The following SPAG16 variants were observed in gnomAD, a reference collection of about 807,000 sequenced individuals.
SPAG16 encodes the protein sperm-associated antigen 16 protein.
Under a neutral mutation model 80.4 loss-of-function variants are expected in SPAG16, and 86 were observed. The ratio of observed to expected loss-of-function variants is 1.07; its 90% CI spans 0.90 to 1.28. The LOEUF (loss-of-function observed/expected upper bound fraction) is 1.28. SPAG16 is among the 50% of genes most tolerant of loss of function. The pLI is 0.00. For missense variants in SPAG16, 870 were observed against 765.3 expected (o/e 1.14, Z -1.61); for synonymous variants, 294 against 265.9 (o/e 1.11, Z -1.03).
At chr2:213,542,107 A>G (rs886386092) in intron 10 of SPAG16, among the ~76,000 whole-genome samples, 2 of 152,232 alleles carry the variant, frequency 1.3e-5, no homozygotes, top group African/African-American at 4.8e-5. Flanking sequence ...CTGTAATTAA[A>G]AAGAAACGTA....
intron 12 of SPAG16, among the ~76,000 whole-genome samples, chr2:214,006,144 AT>A (rs1292364059): frequency 6.6e-6 from 1 of 152,210 alleles, no homozygotes; most frequent in African/African-American, 2.4e-5. Context: ...CACTTAAAAA[AT>A]ATCTTGCTAC....
rs776689125 is a variant in SPAG16 at position 213,296,079 on chromosome 2, A to G, written c.152A>G (p.Glu51Gly). 2 of 1,609,996 alleles carry G rather than the reference A, an allele frequency of 1.2e-6. No homozygotes were observed. The highest frequency in any genetic ancestry group is 1.1e-5 in the South Asian group (1 of 90,724). Reference protein sequence around the residue: ...AYYLEQVTITEASEDDYEYEE... With the variant: ...AYYLEQVTITGASEDDYEYEE... ...AGATATTCAGAGGTCACCATAACTG[A>G]AGCATCTGAAGATGACTATGAATAT... Residue 51 changes from glutamate (E) to glycine (G), a missense_variant, in exon 2 of 16, where the codon GAA becomes GGA. Coordinates refer to ENST00000331683, the MANE Select transcript of SPAG16 (RefSeq NM_024532.5).
intron 10 of SPAG16, among the ~76,000 whole-genome samples, chr2:213,633,415 C>T (rs536429121): frequency 6.6e-4 from 101 of 152,088 alleles, no homozygotes; most frequent in African/African-American, 2.4e-3. Flanking sequence ...ATTTTTTGAA[C>T]GTTTTAAGAC....
chr2:213,860,473 C>CA (rs2075400307), intron 10 of SPAG16, among the ~76,000 whole-genome samples: 2 of 78,822 alleles, frequency 2.5e-5, no homozygotes, highest in Non-Finnish European at 2.9e-5. Flanking sequence ...ATATATCTAT[C>CA]TATATATATA....
chr2:213,730,950 C>T (rs1398056535), intron 10 of SPAG16, among the ~76,000 whole-genome samples: 2 of 152,130 alleles, frequency 1.3e-5, no homozygotes, highest in Non-Finnish European at 2.9e-5. Flanking sequence ...TGTGCCAAGA[C>T]TACTAATGAG....
intron 15 of SPAG16, among the ~76,000 whole-genome samples, chr2:214,154,558 T>C (rs2056129628): frequency 6.9e-6 from 1 of 145,136 alleles, no homozygotes; most frequent in African/African-American, 2.5e-5. Flanking sequence ...TGGTTCATAT[T>C]TGATTCATCA....
At chr2:213,431,493 A>G (rs1190770635) in intron 9 of SPAG16, among the ~76,000 whole-genome samples, 1 of 148,252 alleles carries the variant, frequency 6.7e-6, no homozygotes, top group African/African-American at 2.6e-5. Flanking sequence ...TAAATCAGAA[A>G]CTGTAAAAAA....
rs3076768 is a variant in SPAG16 at position 213,737,493 on chromosome 2, C to CTTTTT, written c.1071-124984_1071-124980dup. On this transcript the variant is annotated intron_variant, in intron 10 of 15. Coordinates refer to ENST00000331683, the MANE Select transcript of SPAG16 (RefSeq NM_024532.5). The stretch of plus-strand genomic sequence containing the variant: ...TCTCCTTACTTTTTCTTTTTCTTTT[C>CTTTTT]TTTTTTTTTTTTGAGACGGAGTCTC... 9.1e-3 allele frequency among the ~76,000 whole-genome samples: 1,291 copies of CTTTTT among 142,228 alleles called. 41 individuals are homozygous for CTTTTT. Among genetic ancestry groups the CTTTTT allele is most frequent in the African/African-American group, 0.032 (1,224 of 38,686 alleles). The allele number at this position is 142,228 out of a possible 152,430, so 93.3% of individuals were successfully genotyped here. A position where few individuals can be genotyped will look rare whatever the true frequency, so the allele number is the denominator to read the frequency against.
intron 12 of SPAG16, among the ~76,000 whole-genome samples, chr2:213,999,515 G>T (rs2046688223): frequency 6.6e-6 from 1 of 152,248 alleles, no homozygotes. Context: ...CTCTGCTAGG[G>T]CAGTGTGGAA....
intron 11 of SPAG16, among the ~76,000 whole-genome samples, chr2:213,890,853 C>T (rs1410713786): frequency 6.6e-6 from 1 of 151,864 alleles, no homozygotes; most frequent in Admixed American, 6.6e-5. Flanking sequence ...TAAAGTTTGG[C>T]ATTTGATGTA....
At chr2:214,287,217 T>C (rs1232232581) in intron 15 of SPAG16, among the ~76,000 whole-genome samples, 2 of 152,340 alleles carry the variant, frequency 1.3e-5, no homozygotes, top group East Asian at 3.9e-4. Flanking sequence ...CATTGAATGA[T>C]TGCTGAACTC....
Position 213,597,916 on chromosome 2 carries a change from T to G in SPAG16, c.1070+107826T>G, listed in dbSNP as rs182709036. Among the ~76,000 whole-genome samples the G allele has an allele frequency of 5.9e-5, 9 of 152,292 alleles. No individual in the cohort carries two copies. In the East Asian group the frequency reaches 1.7e-3, roughly 29 times the overall value. ...CCAGGCTTTCTCTGAGGCTCTCCCT[T>G]TTTCAATTTTGGAAAGATTAACTGA... On this transcript the variant is annotated intron_variant, in intron 10 of 15. Transcript: ENST00000331683.
chr2:213,350,752 A>T (rs2065280558), intron 7 of SPAG16, 107 bp downstream of exon 7: 2 of 664,390 alleles, frequency 3.0e-6, no homozygotes, highest in Non-Finnish European at 4.9e-6. Flanking sequence ...AAACATTTTC[A>T]ACCAACTTTC....
At chr2:213,966,172 ATCT>A (rs1218297576) in intron 12 of SPAG16, among the ~76,000 whole-genome samples, 4 of 152,160 alleles carry the variant, frequency 2.6e-5, no homozygotes, top group East Asian at 1.9e-4. Context: ...ATGGAGACAC[ATCT>A]TCTTGGTTGT....
chr2:213,293,201 C>G (rs2126062529), intron 1 of SPAG16, among the ~76,000 whole-genome samples: 1 of 152,262 alleles, frequency 6.6e-6, no homozygotes, highest in South Asian at 2.1e-4. Context: ...GAAGAAGTGC[C>G]TTCCGCCATG....
intron 1 of SPAG16, chr2:213,285,923 C>T: frequency 7.8e-7 from 1 of 1,288,696 alleles, no homozygotes; most frequent in South Asian, 1.2e-5. Context: ...TGAATGGTAA[C>T]CAGGCATCTT....
At chr2:213,620,291 T>TG in intron 10 of SPAG16, among the ~76,000 whole-genome samples, 1 of 126,460 alleles carries the variant, frequency 7.9e-6, no homozygotes, top group African/African-American at 3.1e-5. Context: ...GTTTTTTTTT[T>TG]TTTTTTTTTT....
At position 213,364,133 on chromosome 2, in the gene SPAG16, C is replaced by A; in HGVS notation, c.820C>A (p.Pro274Thr). The A allele has an allele frequency of 6.6e-7, 1 of 1,515,848 alleles. No individual in the cohort carries two copies. Among genetic ancestry groups the A allele is most frequent in the South Asian group, 1.4e-5 (1 of 73,214 alleles). The allele number at this position is 1,515,848 out of a possible 1,614,324, so 93.9% of individuals were successfully genotyped here. Residue 274 changes from proline to threonine, a missense_variant, in exon 8 of 16, where the codon CCT becomes ACT. Pro to Thr is a conservative substitution (Grantham distance 38). Transcript: ENST00000331683. ...GCAAAGAGGACATAGTTACCATGGTCCTCAAATTAAAGGTAAATGTAAAAT... is the reference window on the plus strand; with the variant it reads ...GCAAAGAGGACATAGTTACCATGGTACTCAAATTAAAGGTAAATGTAAAAT... ...KLQRGHSYHG[P>T]QIKVDHSREK...
intron 10 of SPAG16, among the ~76,000 whole-genome samples, chr2:213,764,392 T>C (rs746012449): frequency 4.0e-5 from 6 of 151,522 alleles, no homozygotes; most frequent in Admixed American, 1.3e-4. Context: ...AAAACCTGAG[T>C]AAATTAAAAT....
Sources: allele counts gnomAD v4.1 joint callset (sites outside exome capture counted in the v4.1 genomes callset), GRCh38; gene constraint gnomAD v4.1.1; transcripts MANE v1.5; gene names NCBI Gene and HGNC (gene_info 2026-07-23, HGNC 2026-07-21).